KAZN: variants seen among roughly 807,000 people sequenced by gnomAD.
The protein encoded by KAZN is kazrin, periplakin interacting protein, also known as kazrin.
KAZN carries 40 observed loss-of-function variants against 87.4 expected under a neutral mutation model. The ratio of observed to expected loss-of-function variants is 0.46; its 90% CI spans 0.36 to 0.60. KAZN has a LOEUF of 0.60. Ranked by LOEUF, KAZN falls within the 20% of genes least tolerant of loss-of-function variation. The pLI, the probability that KAZN is intolerant of heterozygous loss-of-function variation, is 0.00. For missense variants in KAZN, 898 were observed against 1,073.9 expected (o/e 0.84, Z 2.29); for synonymous variants, 466 against 458.3 (o/e 1.02, Z -0.22).
At chr1:14,166,410 A>ATT (rs1402237656) in intron 1 of KAZN, among the ~76,000 whole-genome samples, 2 of 152,228 alleles carry the variant, frequency 1.3e-5, no homozygotes, top group Non-Finnish European at 2.9e-5. Flanking sequence ...CAGTTCTGCC[A>ATT]TTGATTGCCT....
intron 2 of KAZN, among the ~76,000 whole-genome samples, chr1:14,420,826 C>T (rs1487030565): frequency 6.6e-6 from 1 of 151,166 alleles, no homozygotes; most frequent in Non-Finnish European, 1.5e-5. Flanking sequence ...CCATCCCACC[C>T]AGAACTCAAG....
At chr1:14,501,974 G>A (rs1488965599) in intron 2 of KAZN, among the ~76,000 whole-genome samples, 1 of 152,180 alleles carries the variant, frequency 6.6e-6, no homozygotes, top group East Asian at 1.9e-4. Flanking sequence ...AGAATGAAGA[G>A]AGACTAGTAA....
chr1:14,558,070 C>T (rs1674019996), intron 2 of KAZN, among the ~76,000 whole-genome samples: 1 of 152,212 alleles, frequency 6.6e-6, no homozygotes, highest in African/African-American at 2.4e-5. Flanking sequence ...AACATACCAA[C>T]ATTAGAAAGA....
intron 1 of KAZN, among the ~76,000 whole-genome samples, chr1:14,782,355 C>T (rs1198868736): frequency 6.6e-6 from 1 of 151,876 alleles, no homozygotes; most frequent in Non-Finnish European, 1.5e-5. Context: ...TGAGACTAGC[C>T]TGGCCAAGAT....
rs188232988 is a variant in KAZN at position 14,916,312 on chromosome 1, G to C, written c.227-44372G>C. 9.2e-5 allele frequency among the ~76,000 whole-genome samples: 14 copies of C among 151,642 alleles called. No individual in the cohort carries two copies. In the East Asian group the frequency reaches 2.5e-3, roughly 27 times the overall value. ...AGCCTCCCGAGCAGCTGGGATTACA[G>C]GTGTGTGCCACCATGCCCAACTCGT... On this transcript the variant is annotated intron_variant, in intron 1 of 14. Transcript: ENST00000376030.
intron 2 of KAZN, among the ~76,000 whole-genome samples, chr1:14,386,082 T>G (rs1439137609): frequency 6.6e-6 from 1 of 150,774 alleles, no homozygotes; most frequent in Non-Finnish European, 1.5e-5. Flanking sequence ...CTTCTTTGTC[T>G]CTTTTGATCT....
At chr1:14,434,672 C>G (rs1275778420) in intron 2 of KAZN, among the ~76,000 whole-genome samples, 1 of 152,170 alleles carries the variant, frequency 6.6e-6, no homozygotes, top group East Asian at 1.9e-4. Context: ...TTTTAGGATA[C>G]AACTCTGGAA....
At chr1:15,020,013 C>T (rs1670510340) in intron 2 of KAZN, among the ~76,000 whole-genome samples, 1 of 152,078 alleles carries the variant, frequency 6.6e-6, no homozygotes, top group Non-Finnish European at 1.5e-5. Flanking sequence ...GACTTGAACC[C>T]AGGACCAACC....
intron 1 of KAZN, among the ~76,000 whole-genome samples, chr1:14,649,463 A>C (rs35852342): frequency 0.21 from 32,476 of 152,106 alleles, 3,594 homozygotes; most frequent in South Asian, 0.29. Context: ...AAAATGGCTA[A>C]CGGTTCACGT....
chr1:14,014,645 G>A (rs1021496433), intron 1 of KAZN, among the ~76,000 whole-genome samples: 1 of 152,192 alleles, frequency 6.6e-6, no homozygotes, highest in African/African-American at 2.4e-5. Context: ...CATAAATGAT[G>A]TGAAATTCAA....
intron 2 of KAZN, among the ~76,000 whole-genome samples, chr1:14,497,269 G>A (rs1669992166): frequency 7.6e-6 from 1 of 131,434 alleles, no homozygotes; most frequent in Non-Finnish European, 1.5e-5. Context: ...AGAGATATAA[G>A]AGAATGACTG....
At chr1:14,459,260 C>CGTGTGT (rs969777643) in intron 2 of KAZN, among the ~76,000 whole-genome samples, 10 of 118,030 alleles carry the variant, frequency 8.5e-5, no homozygotes, top group African/African-American at 1.8e-4. Context: ...TGTGTGTGCG[C>CGTGTGT]GTGTGTGTGT....
At position 15,015,886 on chromosome 1, in the gene KAZN, A is replaced by G. The variant is rs984349038; in HGVS notation, c.419-18863A>G. On this transcript the variant is annotated intron_variant, in intron 2 of 14. Transcript: ENST00000376030. ...GTCTCCACCTGTCCCCAAGTCCCCA[A>G]TCCAGTCTCCGCAAGGCAGACACTG... 7.2e-5 allele frequency among the ~76,000 whole-genome samples: 11 copies of G among 152,180 alleles called. No homozygotes were observed. The East Asian group carries it at 1.2e-3, about 16-fold the overall frequency.
intron 2 of KAZN, among the ~76,000 whole-genome samples, chr1:14,181,107 G>A (rs1402089581): frequency 6.6e-6 from 1 of 152,154 alleles, no homozygotes. Flanking sequence ...GTCTCCTTGT[G>A]TACTATTTTA....
chr1:14,046,291 G>A (rs1642070285), intron 1 of KAZN, among the ~76,000 whole-genome samples: 1 of 152,122 alleles, frequency 6.6e-6, no homozygotes. Flanking sequence ...TAATATTCTT[G>A]GAGCCAAAAA....
At chr1:14,777,045 G>A (rs1252708186) in intron 1 of KAZN, among the ~76,000 whole-genome samples, 1 of 152,154 alleles carries the variant, frequency 6.6e-6, no homozygotes, top group African/African-American at 2.4e-5. Context: ...CTGTCACCCA[G>A]GCTGGAGTGC....
intron 2 of KAZN, among the ~76,000 whole-genome samples, chr1:14,242,025 C>A (rs1475278603): frequency 6.6e-6 from 1 of 152,114 alleles, no homozygotes; most frequent in Non-Finnish European, 1.5e-5. Context: ...CTAATTGGAC[C>A]CTGTTCTATT....
At chr1:14,290,045 T>C (rs1268216859) in intron 2 of KAZN, among the ~76,000 whole-genome samples, 1 of 152,204 alleles carries the variant, frequency 6.6e-6, no homozygotes, top group Non-Finnish European at 1.5e-5. Context: ...CTGAGAGATC[T>C]GCTGTTAGTC....
At chr1:14,005,369 G>A (rs1234927818) in intron 1 of KAZN, among the ~76,000 whole-genome samples, 1 of 151,944 alleles carries the variant, frequency 6.6e-6, no homozygotes, top group Non-Finnish European at 1.5e-5. Flanking sequence ...GGATACAGAA[G>A]AGGGAGATGT....
Sources: gnomAD v4.1 joint callset for allele counts (sites outside exome capture counted in the v4.1 genomes callset) on GRCh38, gnomAD v4.1.1 for gene constraint, MANE v1.5 for transcripts, NCBI Gene and HGNC (gene_info 2026-07-23, HGNC 2026-07-21) for gene names.